Variants in OSBPL10 observed in about 807,000 individuals in gnomAD.
OSBPL10 encodes oxysterol binding protein like 10, also known as oxysterol-binding protein-related protein 10.
Under a neutral mutation model 81.7 loss-of-function variants are expected in OSBPL10, and 49 were observed. The ratio of observed to expected loss-of-function variants is 0.60; its 90% CI spans 0.48 to 0.76. The LOEUF (loss-of-function observed/expected upper bound fraction) is 0.76. OSBPL10 is among the 30% of genes least tolerant of loss of function. The pLI, the probability that OSBPL10 is intolerant of heterozygous loss-of-function variation, is 0.00. For synonymous variants in OSBPL10, 419 were observed against 383.6 expected (o/e 1.09, Z -1.08); for missense variants, 923 against 987.8 (o/e 0.93, Z 0.88).
intron 3 of OSBPL10, among the ~76,000 whole-genome samples, chr3:31,868,793 T>G (rs1701246888): frequency 6.6e-6 from 1 of 152,342 alleles, no homozygotes; most frequent in Non-Finnish European, 1.5e-5. Flanking sequence ...TTTTGTTCTT[T>G]TTACCCTACT....
At chr3:31,857,202 G>A (rs559681643) in intron 3 of OSBPL10, among the ~76,000 whole-genome samples, 61 of 152,248 alleles carry the variant, frequency 4.0e-4, no homozygotes, top group African/African-American at 1.4e-3. Flanking sequence ...CCCCAGCACC[G>A]GAGGGTTTTG....
At chr3:31,857,024 C>T (rs1279109996) in intron 3 of OSBPL10, among the ~76,000 whole-genome samples, 2 of 152,162 alleles carry the variant, frequency 1.3e-5, no homozygotes, top group African/African-American at 2.4e-5. Context: ...CCACTGCACT[C>T]CAGCCTGGGC....
At chr3:31,977,812 A>G (rs749196799) in intron 1 of OSBPL10, among the ~76,000 whole-genome samples, 59 of 152,162 alleles carry the variant, frequency 3.9e-4, no homozygotes, top group Non-Finnish European at 7.5e-4. Context: ...TTCTTTAAAT[A>G]TCTATAATAA....
At position 32,009,988 on chromosome 3, in the gene OSBPL10, T is replaced by G. The variant is rs537908966; in HGVS notation, n.298+36503A>C. Reference sequence around the variant, plus strand: ...CATATGCTGAATCCCTAACTCCCAATGTGACTGTATTTGGAGACAGGATCT... The same window carrying G: ...CATATGCTGAATCCCTAACTCCCAAGGTGACTGTATTTGGAGACAGGATCT... On this transcript the variant is annotated intron_variant and non_coding_transcript_variant, in intron 2 of 3. Coordinates refer to the OSBPL10 transcript ENST00000479173. Among the ~76,000 whole-genome samples the G allele has an allele frequency of 1.4e-4, 21 of 152,288 alleles. 2 individuals are homozygous for G. The South Asian group carries it at 4.4e-3, about 32-fold the overall frequency.
chr3:31,950,518 C>G (rs1042692303), intron 1 of OSBPL10, among the ~76,000 whole-genome samples: 1 of 152,240 alleles, frequency 6.6e-6, no homozygotes, highest in Non-Finnish European at 1.5e-5. Flanking sequence ...TGGCATTAAA[C>G]TGGCACATCC....
intron 2 of OSBPL10, among the ~76,000 whole-genome samples, chr3:32,031,313 G>T (rs1699465115): frequency 6.6e-6 from 1 of 152,092 alleles, no homozygotes; most frequent in Non-Finnish European, 1.5e-5. Context: ...TAAGCCCATA[G>T]ATGAAATCAA....
At chr3:31,871,400 C>T (rs1401728581) in intron 3 of OSBPL10, among the ~76,000 whole-genome samples, 1 of 152,174 alleles carries the variant, frequency 6.6e-6, no homozygotes, top group African/African-American at 2.4e-5. Context: ...ACTCCGAACA[C>T]ATCCAAACAT....
At chr3:31,706,006 G>A (rs1332003434) in intron 6 of OSBPL10, among the ~76,000 whole-genome samples, 1 of 152,102 alleles carries the variant, frequency 6.6e-6, no homozygotes, top group Non-Finnish European at 1.5e-5. Context: ...AGATAAAATG[G>A]AATTAAAATA....
intron 2 of OSBPL10, chr3:32,030,407 C>T: frequency 4.6e-6 from 3 of 645,554 alleles, no homozygotes; most frequent in South Asian, 4.3e-5. Flanking sequence ...ACCCAGCATG[C>T]TGCTGGCATT....
intron 1 of OSBPL10, among the ~76,000 whole-genome samples, chr3:31,939,903 G>A (rs1697487757): frequency 6.6e-6 from 1 of 152,010 alleles, no homozygotes; most frequent in African/African-American, 2.4e-5. Flanking sequence ...CTGGCTAATA[G>A]AGGGACGAGG....
chr3:31,932,343 C>T (rs1305557150), intron 1 of OSBPL10, among the ~76,000 whole-genome samples: 3 of 152,160 alleles, frequency 2.0e-5, no homozygotes, highest in Admixed American at 6.5e-5. Context: ...GACAACACTG[C>T]CTCAAATTCA....
chr3:31,964,279 C>T (rs1196448203), intron 1 of OSBPL10, among the ~76,000 whole-genome samples: 4 of 152,146 alleles, frequency 2.6e-5, no homozygotes, highest in Admixed American at 1.3e-4. Flanking sequence ...GCCTCAGGCT[C>T]CCGACTAACT....
At chr3:31,665,166 C>T (rs1360837659) in intron 10 of OSBPL10, among the ~76,000 whole-genome samples, 1 of 152,188 alleles carries the variant, frequency 6.6e-6, no homozygotes, top group Admixed American at 6.5e-5. Context: ...CTTTCCTCCT[C>T]AGGATGTCCT....
At chr3:31,663,749 T>C (rs1700119511) in intron 11 of OSBPL10, 1 of 1,186,172 alleles carries the variant, frequency 8.4e-7, no homozygotes, top group African/African-American at 1.6e-5. Context: ...GGTGCCATGA[T>C]GATTTTCTTT....
At chr3:31,962,011 G>C (rs2125464628) in intron 1 of OSBPL10, among the ~76,000 whole-genome samples, 1 of 151,772 alleles carries the variant, frequency 6.6e-6, no homozygotes, top group South Asian at 2.1e-4. Context: ...CTGGAGTGCA[G>C]TGGTGTGATC....
intron 5 of OSBPL10, among the ~76,000 whole-genome samples, chr3:31,741,412 ATG>A (rs1697346579): frequency 6.6e-6 from 1 of 152,122 alleles, no homozygotes; most frequent in Non-Finnish European, 1.5e-5. Context: ...CTACAGGCGC[ATG>A]CCACCACACC....
At chr3:31,988,501 G>A (rs1300513734) in intron 2 of OSBPL10, among the ~76,000 whole-genome samples, 2 of 152,186 alleles carry the variant, frequency 1.3e-5, no homozygotes, top group Non-Finnish European at 2.9e-5. Flanking sequence ...CTCCCCTCTT[G>A]AGTGTGGGAT....
intron 2 of OSBPL10, among the ~76,000 whole-genome samples, chr3:32,010,763 A>C (rs1235888173): frequency 6.6e-6 from 1 of 152,216 alleles, no homozygotes; most frequent in Non-Finnish European, 1.5e-5. Flanking sequence ...ATTTTCCGAC[A>C]GTCTTAGCAA....
chr3:31,834,057 A>G (rs1575573930), intron 3 of OSBPL10, among the ~76,000 whole-genome samples: 1 of 152,218 alleles, frequency 6.6e-6, no homozygotes, highest in Admixed American at 6.5e-5. Flanking sequence ...CTTACCCTTC[A>G]TAAATCCCAC....
Sources: gnomAD v4.1 joint callset for allele counts (sites outside exome capture counted in the v4.1 genomes callset) on GRCh38, gnomAD v4.1.1 for gene constraint, MANE v1.5 for transcripts, NCBI Gene and HGNC (gene_info 2026-07-23, HGNC 2026-07-21) for gene names.